MYDGF: variants seen among roughly 807,000 people sequenced by gnomAD.
The protein encoded by MYDGF is myeloid-derived growth factor.
MYDGF carries 29 observed loss-of-function variants against 24.2 expected under a neutral mutation model. The observed-to-expected ratio is 1.20, with a 90% CI of 0.89 to 1.63. The LOEUF (loss-of-function observed/expected upper bound fraction) is 1.63, where lower values mean the gene tolerates loss of function less well. Ranked by LOEUF, MYDGF falls within the 40% of genes most tolerant of loss-of-function variation. The pLI, the probability that MYDGF is intolerant of heterozygous loss-of-function variation, is 0.00. For missense variants in MYDGF, 245 were observed against 234.8 expected (o/e 1.04, Z -0.29); for synonymous variants, 105 against 102.5 (o/e 1.02, Z -0.15).
Position 4,670,141 on chromosome 19 carries a change from G to C in MYDGF, c.174+20C>G, listed in dbSNP as rs959486049. 1.3e-6 allele frequency: 2 copies of C among 1,483,834 alleles called. No homozygotes were observed. Among genetic ancestry groups the C allele is most frequent in the Non-Finnish European group, 1.8e-6 (2 of 1,114,598 alleles). The allele number at this position is 1,483,834 out of a possible 1,614,324, so 91.9% of individuals were successfully genotyped here. On this transcript the variant is annotated intron_variant, in intron 1 of 5. Coordinates refer to ENST00000262947, the MANE Select transcript of MYDGF (RefSeq NM_019107.4). ...CGGGCCTGCCAGCACTCAAATATCCGGGACGGCGGTGGCACGTACCCCCGG... is the reference window on the plus strand; with the variant it reads ...CGGGCCTGCCAGCACTCAAATATCCCGGACGGCGGTGGCACGTACCCCCGG...
At chr19:4,668,118 A>G (rs8111839) in intron 2 of MYDGF, among the ~76,000 whole-genome samples, 37,316 of 151,634 alleles carry the variant, frequency 0.25, 8,134 homozygotes, top group African/African-American at 0.59. Flanking sequence ...AGTAGAGATG[A>G]GGTTTTGCCA....
At chr19:4,659,735 G>T in intron 5 of MYDGF, 196 bp downstream of exon 5, 1 of 601,348 alleles carries the variant, frequency 1.7e-6, no homozygotes, top group South Asian at 2.0e-5. Context: ...GTGCCACAAT[G>T]GCACAGCTCT....
At position 4,664,876 on chromosome 19, in the gene MYDGF, C is replaced by T; in HGVS notation, c.287G>A (p.Arg96Lys). Residue 96 changes from arginine to lysine, a missense_variant and splice_region_variant, in exon 3 of 6, where the codon AGG (arginine) becomes AAG (lysine). Physicochemically the swap from Arg to Lys is conservative, Grantham distance 26. Transcript: ENST00000262947. Reference sequence around the variant, plus strand: ...ATGCCATCCCCACCCCGAGTCTCACCTCCAGATGGTGCAGGTGAAGTGCTG... The same window carrying T: ...ATGCCATCCCCACCCCGAGTCTCACTTCCAGATGGTGCAGGTGAAGTGCTG... ...DHQHFTCTIW[R>K]PQGKSYLYFT... 6.2e-7 allele frequency: 1 copy of T among 1,612,712 alleles called. No individual in the cohort carries two copies. Among genetic ancestry groups the T allele is most frequent in the Non-Finnish European group, 8.5e-7 (1 of 1,179,740 alleles).
In MYDGF at chr19:4,659,927, G is replaced by GT; in HGVS notation, c.442+3dup. 2 of 1,613,576 alleles carry GT rather than the reference G, an allele frequency of 1.2e-6. No homozygotes were observed. The highest frequency in any genetic ancestry group is 2.2e-5 in the South Asian group (2 of 91,080). Reference sequence around the variant, plus strand: ...ACCTCTACCCCATCCCCATCTTTCCGTACCTGCTGTTTTGGTCACTTCAAA... The same window carrying GT: ...ACCTCTACCCCATCCCCATCTTTCCGTTACCTGCTGTTTTGGTCACTTCAAA... On this transcript the variant is annotated splice_donor_region_variant and intron_variant, in intron 5 of 5. Transcript: ENST00000262947.
chr19:4,663,645 C>CCGTCCTG (rs2088496475), intron 3 of MYDGF, among the ~76,000 whole-genome samples: 1 of 119,346 alleles, frequency 8.4e-6, no homozygotes, highest in East Asian at 2.5e-4. Context: ...CCCTCCCCAC[C>CCGTCCTG]TCATCCTCAT....
rs182607011 is a variant in MYDGF at position 4,660,995 on chromosome 19, T to C, written c.288-245A>G. ...TTTTTTTTTTTTTTTTGGAGACGAG[T>C]CTCACTCTGTTGCCCAGGCTGGATG... is the stretch of plus-strand genomic sequence containing the variant. On this transcript the variant is annotated intron_variant, in intron 3 of 5. Transcript: ENST00000262947. Among the ~76,000 whole-genome samples, 519 of 140,524 alleles carry C rather than the reference T, an allele frequency of 3.7e-3. 2 individuals are homozygous for C. The highest frequency in any genetic ancestry group is 0.024 in the Middle Eastern group (6 of 248). 92.2% of individuals were successfully genotyped at this position (140,524 alleles called of 152,430 possible).
chr19:4,666,965 G>A (rs1334096656), intron 2 of MYDGF, among the ~76,000 whole-genome samples: 1 of 152,074 alleles, frequency 6.6e-6, no homozygotes, highest in African/African-American at 2.4e-5. Context: ...TGTGGTTGTG[G>A]CAGATTTCAG....
intron 2 of MYDGF, among the ~76,000 whole-genome samples, chr19:4,665,601 C>T (rs1211299048): frequency 2.6e-5 from 4 of 151,868 alleles, no homozygotes; most frequent in African/African-American, 7.3e-5. Flanking sequence ...GCAGGCAGAT[C>T]ACGAGGTCAG....
chr19:4,659,380 C>T (rs191843004), intron 5 of MYDGF, among the ~76,000 whole-genome samples: 3 of 152,066 alleles, frequency 2.0e-5, no homozygotes, highest in Admixed American at 6.6e-5. Context: ...CGCACCACCA[C>T]GCCTGGCTAA....
At chr19:4,665,741 T>A (rs899353880) in intron 2 of MYDGF, among the ~76,000 whole-genome samples, 1 of 139,662 alleles carries the variant, frequency 7.2e-6, no homozygotes, top group Non-Finnish European at 1.5e-5. Flanking sequence ...GAATGGCGTG[T>A]ACCCGGGAGG....
rs544578839 is a variant in MYDGF, at chr19:4,668,384, C to T, written c.225+211G>A. On this transcript the variant is annotated intron_variant, in intron 2 of 5. Coordinates refer to ENST00000262947, the MANE Select transcript of MYDGF (RefSeq NM_019107.4). ...TCCCATCTCCCCTCCCTCCTTCTGT[C>T]CAGACATTTGCTTGCTCTGTAGAAT... Among the ~76,000 whole-genome samples, 252 of 152,216 alleles carry T rather than the reference C, an allele frequency of 1.7e-3. 1 individual carries two copies. The highest frequency in any genetic ancestry group is 2.9e-3 in the Non-Finnish European group (200 of 68,030).
chr19:4,670,108 C>G, intron 1 of MYDGF, 53 bp downstream of exon 1: 1 of 1,420,758 alleles, frequency 7.0e-7, no homozygotes, highest in Non-Finnish European at 9.2e-7. Flanking sequence ...TGCTCCGCGC[C>G]CCCTCCCCGG....
chr19:4,660,549 C>T lies in MYDGF; in HGVS notation c.369+120G>A. 3.2e-6 allele frequency: 3 copies of T among 940,192 alleles called. 1 individual carries two copies. The South Asian group carries it at 4.5e-5, about 14-fold the overall frequency. The allele number at this position is 940,192 out of a possible 1,614,324, so 58.2% of individuals were successfully genotyped here. A position where few individuals can be genotyped will look rare whatever the true frequency, so the allele number is the denominator to read the frequency against. On this transcript the variant is annotated intron_variant, in intron 4 of 5. Transcript: ENST00000262947. Reference sequence around the variant, plus strand: ...CTGCAAGTTACACACCCTACCTCTGCAGGATTCGCTGTCCCCTCTCCTCCC... The same window carrying T: ...CTGCAAGTTACACACCCTACCTCTGTAGGATTCGCTGTCCCCTCTCCTCCC...
chr19:4,663,858 CG>C (rs998575490), intron 3 of MYDGF, among the ~76,000 whole-genome samples: 4 of 140,444 alleles, frequency 2.8e-5, no homozygotes, highest in African/African-American at 1.1e-4. Context: ...CTTCAATCTG[CG>C]CCCCACCCCC....
intron 4 of MYDGF, 141 bp from the exon 5 acceptor site, chr19:4,660,144 G>T (rs1472733023): frequency 1.3e-6 from 1 of 787,404 alleles, no homozygotes. Flanking sequence ...TTTTGTTTTT[G>T]AGCCAGGACC....
At position 4,657,880 on chromosome 19, in the gene MYDGF, T is replaced by A; in HGVS notation, c.*125A>T. The A allele has an allele frequency of 1.1e-6, 1 of 898,062 alleles. No homozygotes were observed. Among genetic ancestry groups the A allele is most frequent in the Non-Finnish European group, 1.7e-6 (1 of 604,768 alleles). 55.6% of individuals were successfully genotyped at this position (898,062 alleles called of 1,614,324 possible). Reference sequence around the variant, plus strand: ...GCAAGCCCCTCCGGACAAGGCAACGTCAGCCCAGGTAGAAAACTTAAGAGT... The same window carrying A: ...GCAAGCCCCTCCGGACAAGGCAACGACAGCCCAGGTAGAAAACTTAAGAGT... On this transcript the variant is annotated 3_prime_UTR_variant, in exon 6 of 6. Coordinates refer to ENST00000262947, the MANE Select transcript of MYDGF (RefSeq NM_019107.4).
chr19:4,662,200 C>G (rs1251779056), intron 3 of MYDGF, among the ~76,000 whole-genome samples: 1 of 152,212 alleles, frequency 6.6e-6, no homozygotes, highest in Non-Finnish European at 1.5e-5. Context: ...GGCAGCAAAT[C>G]ACACCCTGTC....
At chr19:4,669,899 C>T (rs571158302) in intron 1 of MYDGF, among the ~76,000 whole-genome samples, 10 of 152,136 alleles carry the variant, frequency 6.6e-5, no homozygotes, top group Non-Finnish European at 1.0e-4. Flanking sequence ...AGGCAGGCGA[C>T]AGGTGACAGG....
intron 3 of MYDGF, among the ~76,000 whole-genome samples, chr19:4,663,859 G>A (rs908932271): frequency 6.6e-5 from 9 of 136,690 alleles, no homozygotes; most frequent in African/African-American, 8.5e-5. Context: ...TTCAATCTGC[G>A]CCCCACCCCC....
Sources: allele counts gnomAD v4.1 joint callset (sites outside exome capture counted in the v4.1 genomes callset), GRCh38; gene constraint gnomAD v4.1.1; transcripts MANE v1.5; gene names NCBI Gene and HGNC (gene_info 2026-07-23, HGNC 2026-07-21).